SH3PXD2A: variants seen among roughly 807,000 people sequenced by gnomAD.
The protein encoded by SH3PXD2A is SH3 and PX domains 2A, also known as SH3 and PX domain-containing protein 2A.
A neutral mutation model predicts 115.2 loss-of-function variants in SH3PXD2A; 32 were observed. The ratio of observed to expected loss-of-function variants is 0.28; its 90% CI spans 0.21 to 0.37. The LOEUF (loss-of-function observed/expected upper bound fraction) is 0.37. SH3PXD2A is among the 10% of genes least tolerant of loss of function. The pLI is 1.00. For missense variants in SH3PXD2A, 1,328 were observed against 1,498.7 expected (o/e 0.89, Z 1.88); for synonymous variants, 610 against 629.1 (o/e 0.97, Z 0.45).
intron 4 of SH3PXD2A, among the ~76,000 whole-genome samples, chr10:103,729,776 A>C (rs1297880768): frequency 6.6e-6 from 1 of 152,180 alleles, no homozygotes; most frequent in East Asian, 1.9e-4. Context: ...GAGGTGCTGA[A>C]GAGCCATTCA....
At chr10:103,827,672 C>T (rs1248788072) in intron 1 of SH3PXD2A, among the ~76,000 whole-genome samples, 3 of 152,288 alleles carry the variant, frequency 2.0e-5, no homozygotes, top group East Asian at 1.9e-4. Flanking sequence ...GTTTGTGGTA[C>T]CCAGTTCTGC....
chr10:103,764,807 G>A (rs1040326792), intron 3 of SH3PXD2A, among the ~76,000 whole-genome samples: 1 of 152,184 alleles, frequency 6.6e-6, no homozygotes, highest in African/African-American at 2.4e-5. Flanking sequence ...CAGCTCTGGT[G>A]TGGGCTGTGC....
chr10:103,668,834 G>A (rs756383784), intron 6 of SH3PXD2A, among the ~76,000 whole-genome samples, 182 bp from the exon 7 acceptor site: 10 of 152,380 alleles, frequency 6.6e-5, no homozygotes, highest in Non-Finnish European at 1.0e-4. Flanking sequence ...GCGTGGGCCC[G>A]TGTGATTACA....
chr10:103,639,604 G>C (rs1279181234), intron 8 of SH3PXD2A, among the ~76,000 whole-genome samples: 1 of 112,360 alleles, frequency 8.9e-6, no homozygotes, highest in Non-Finnish European at 1.7e-5. Flanking sequence ...GCGAGACTCC[G>C]TCTTAAAAAA....
chr10:103,780,640 G>A (rs1358538221), intron 2 of SH3PXD2A, among the ~76,000 whole-genome samples: 1 of 152,194 alleles, frequency 6.6e-6, no homozygotes, highest in Non-Finnish European at 1.5e-5. Context: ...AACCCTCAAA[G>A]GTCAGGCAGG....
chr10:103,633,634 A>G (rs141053561), intron 8 of SH3PXD2A, among the ~76,000 whole-genome samples: 7 of 146,246 alleles, frequency 4.8e-5, no homozygotes, highest in African/African-American at 1.7e-4. Flanking sequence ...AGGCTGAGGC[A>G]TGAGAATCGC....
Position 103,611,531 on chromosome 10 carries a change from C to T in SH3PXD2A, c.1308+50G>A, listed in dbSNP as rs755319889. The T allele has an allele frequency of 7.2e-5, 109 of 1,511,238 alleles. 1 individual carries two copies. The Middle Eastern group carries it at 4.8e-3, about 66-fold the overall frequency. 93.6% of individuals were successfully genotyped at this position (1,511,238 alleles called of 1,614,324 possible). A position where few individuals can be genotyped will look rare whatever the true frequency, so the allele number is the denominator to read the frequency against. The stretch of plus-strand genomic sequence containing the variant: ...TAGCCAATTGATCGGGTGGCTATAG[C>T]GCATTCACAGAAAAGGAAGGAAAGG... On this transcript the variant is annotated intron_variant, in intron 13 of 14. Transcript: ENST00000369774.
At chr10:103,687,457 C>T (rs2037693207) in intron 6 of SH3PXD2A, among the ~76,000 whole-genome samples, 1 of 152,170 alleles carries the variant, frequency 6.6e-6, no homozygotes, top group Admixed American at 6.5e-5. Context: ...GAGTGGGACC[C>T]CAGGCAACCT....
intron 2 of SH3PXD2A, among the ~76,000 whole-genome samples, chr10:103,787,719 T>A: frequency 6.6e-6 from 1 of 152,202 alleles, no homozygotes; most frequent in East Asian, 1.9e-4. Context: ...CCAAAGACCC[T>A]CTGCCAGCAT....
At chr10:103,662,601 T>G (rs1365888321) in intron 7 of SH3PXD2A, among the ~76,000 whole-genome samples, 1 of 150,234 alleles carries the variant, frequency 6.7e-6, no homozygotes, top group Non-Finnish European at 1.5e-5. Context: ...GGGTTTCACC[T>G]TGTTAGCCAG....
At chr10:103,786,177 G>A (rs754853708) in intron 2 of SH3PXD2A, among the ~76,000 whole-genome samples, 2 of 152,150 alleles carry the variant, frequency 1.3e-5, no homozygotes, top group Non-Finnish European at 2.9e-5. Flanking sequence ...GGAAGGGAAA[G>A]GACTCCTCTC....
intron 8 of SH3PXD2A, among the ~76,000 whole-genome samples, chr10:103,642,093 G>GT (rs1251051455): frequency 1.3e-5 from 2 of 150,998 alleles, no homozygotes; most frequent in Non-Finnish European, 2.9e-5. Flanking sequence ...CTGAAAAATT[G>GT]TAAGTCACAC....
chr10:103,718,008 C>CT (rs34054940), intron 5 of SH3PXD2A, among the ~76,000 whole-genome samples: 99,015 of 143,476 alleles, frequency 0.69, 35,341 homozygotes, highest in African/African-American at 0.91. Flanking sequence ...TTCCATGTGT[C>CT]TTTTTTTTTT....
chr10:103,810,950 G>GCACACACACACACACACA (rs1286107994), intron 1 of SH3PXD2A, among the ~76,000 whole-genome samples: 8 of 4,782 alleles, frequency 1.7e-3, no homozygotes, highest in African/African-American at 4.2e-3. Context: ...AGGCGCGCGC[G>GCACACACACACACACACA]CGCACACACA....
chr10:103,738,036 T>A (rs1238288153), intron 3 of SH3PXD2A, among the ~76,000 whole-genome samples: 1 of 152,242 alleles, frequency 6.6e-6, no homozygotes, highest in African/African-American at 2.4e-5. Context: ...AGATGCTCAA[T>A]GAGTGCTTGC....
In SH3PXD2A at chr10:103,597,433, G is replaced by C. The variant is rs575372607; in HGVS notation, c.*4383C>G. 3 of 152,420 alleles carry C rather than the reference G, an allele frequency of 2.0e-5. No individual in the cohort carries two copies. Among genetic ancestry groups the C allele is most frequent in the South Asian group, 4.1e-4 (2 of 4,822 alleles). 9.4% of individuals were successfully genotyped at this position (152,420 alleles called of 1,614,324 possible). ...AGTCATTTTTAGGCCAGGTCTCTCT[G>C]AGCAGCTGGCTGCACCACAACAGAA... On this transcript the variant is annotated 3_prime_UTR_variant, in exon 15 of 15. Transcript: ENST00000369774.
chr10:103,681,004 G>A (rs1014509165), intron 6 of SH3PXD2A, among the ~76,000 whole-genome samples: 2 of 152,196 alleles, frequency 1.3e-5, no homozygotes, highest in Non-Finnish European at 2.9e-5. Flanking sequence ...CTTCTGTCAC[G>A]TGTCTATAAA....
chr10:103,603,133 G>A lies in SH3PXD2A; in HGVS notation c.2085C>T (p.Thr695=), dbSNP rs1432967153. The change falls in exon 15 of 15, where the codon ACC becomes ACT. Residue 695 remains threonine, a synonymous_variant. Coordinates refer to ENST00000369774, the MANE Select transcript of SH3PXD2A (RefSeq NM_001394015.1). ...HSSASFSSSI[T]INTTCCSSSS... is the part of the protein sequence containing the mutation. ...AGGAGGAGCAGCAAGTGGTGTTGAT[G>A]GTGATGGATGAGGAAAAGGAGGCTG... 1 of 1,613,206 alleles carries A rather than the reference G, an allele frequency of 6.2e-7. No homozygotes were observed. Among genetic ancestry groups the A allele is most frequent in the African/African-American group, 1.3e-5 (1 of 74,942 alleles).
At chr10:103,678,782 G>A (rs993640868) in intron 6 of SH3PXD2A, among the ~76,000 whole-genome samples, 2 of 152,216 alleles carry the variant, frequency 1.3e-5, no homozygotes, top group African/African-American at 4.8e-5. Flanking sequence ...GGAATCACAA[G>A]GAGTCAAGAT....
Sources: allele counts gnomAD v4.1 joint callset (sites outside exome capture counted in the v4.1 genomes callset), GRCh38; gene constraint gnomAD v4.1.1; transcripts MANE v1.5; gene names NCBI Gene and HGNC (gene_info 2026-07-23, HGNC 2026-07-21).